Variants in FGF18 observed in about 807,000 individuals in gnomAD.
FGF18 encodes the protein fibroblast growth factor 18.
FGF18 carries 5 observed loss-of-function variants against 23.0 expected under a neutral mutation model. The observed-to-expected ratio is 0.22, with a 90% CI of 0.11 to 0.46. FGF18 has a LOEUF of 0.46. Among genes scored for constraint, FGF18 ranks in the 20% least tolerant of loss-of-function variants. The pLI is 0.99. For missense variants in FGF18, 180 were observed against 291.6 expected, an observed-to-expected ratio of 0.62 and a Z score of 2.79; for synonymous variants, 117 against 118.9, an observed-to-expected ratio of 0.98 and a Z score of 0.10.
intron 3 of FGF18, 82 bp from the exon 4 acceptor site, chr5:171,449,063 CCA>C: frequency 9.9e-7 from 1 of 1,008,668 alleles, no homozygotes; most frequent in South Asian, 1.3e-5. Context: ...AAAGATAGGA[CCA>C]GGGACCATGT....
At chr5:171,445,438 A>G (rs1280197887) in intron 3 of FGF18, among the ~76,000 whole-genome samples, 1 of 152,098 alleles carries the variant, frequency 6.6e-6, no homozygotes, top group South Asian at 2.1e-4. Flanking sequence ...GGCTCACTGC[A>G]AACTCTGCCT....
At chr5:171,445,210 AG>A (rs2113355458) in intron 3 of FGF18, among the ~76,000 whole-genome samples, 2 of 152,150 alleles carry the variant, frequency 1.3e-5, no homozygotes, top group East Asian at 3.9e-4. Context: ...GCTAGAGGGG[AG>A]AGGCAAGGAA....
chr5:171,441,749 C>T (rs2113351108), intron 3 of FGF18, among the ~76,000 whole-genome samples: 1 of 152,324 alleles, frequency 6.6e-6, no homozygotes, highest in Non-Finnish European at 1.5e-5. Context: ...CACGAAGACG[C>T]TCTCAGTATA....
chr5:171,436,136 A>T lies in FGF18; in HGVS notation c.113A>T (p.Glu38Val), dbSNP rs773745940. The T allele has an allele frequency of 1.3e-6, 2 of 1,582,522 alleles. No homozygotes were observed. Among genetic ancestry groups the T allele is most frequent in the Non-Finnish European group, 8.6e-7 (1 of 1,160,324 alleles). ...EENVDFRIHV[E>V]NQTRARDDVS... ...AACGTGGACTTCCGCATCCACGTGG[A>T]GAACCAGACGCGGGCTCGGGACGAT... The change falls in exon 3 of 5, where the codon GAG becomes GTG. Residue 38 changes from glutamate to valine, a missense_variant. Glu to Val is a moderately radical substitution (Grantham distance 121). Coordinates refer to ENST00000274625, the MANE Select transcript of FGF18 (RefSeq NM_003862.3). This position sits in a 1 kb window ranked among gnomAD's most constrained non-coding sequence, Gnocchi z 4.4.
chr5:171,420,174 A>AGCC lies in FGF18; in HGVS notation c.-19_-17dup. The AGCC allele has an allele frequency of 6.5e-7, 1 of 1,535,444 alleles. No homozygotes were observed. The highest frequency in any genetic ancestry group is 8.7e-7 in the Non-Finnish European group (1 of 1,145,944). ...GCGGACATGTGCAGGCTGGGCTAGGAGCCGCCGCCTCCCTCCCGCCCAGCG... is the reference window on the plus strand; with the variant it reads ...GCGGACATGTGCAGGCTGGGCTAGGAGCCGCCGCCGCCTCCCTCCCGCCCAGCG... On this transcript the variant is annotated 5_prime_UTR_variant, in exon 1 of 5. Coordinates refer to ENST00000274625, the MANE Select transcript of FGF18 (RefSeq NM_003862.3).
rs1554139926 is a variant in FGF18 at position 171,440,226 on chromosome 5, G to GGA, written c.250+3954_250+3955insAG. 2.0e-5 allele frequency among the ~76,000 whole-genome samples: 1 copy of GGA among 49,512 alleles called. No individual in the cohort carries two copies. Among genetic ancestry groups the GGA allele is most frequent in the Non-Finnish European group, 4.4e-5 (1 of 22,624 alleles). 32.5% of individuals were successfully genotyped at this position (49,512 alleles called of 152,430 possible). ...CCTGACCTCCTTACTATGGGTGTGTGGGGGGGGGTGGTGCCATCGCGGGCT... is the reference window on the plus strand; with the variant it reads ...CCTGACCTCCTTACTATGGGTGTGTGGAGGGGGGGGTGGTGCCATCGCGGGCT... On this transcript the variant is annotated intron_variant, in intron 3 of 4. Coordinates refer to ENST00000274625, the MANE Select transcript of FGF18 (RefSeq NM_003862.3). The surrounding 1 kb of genome is among the most constrained non-coding windows in gnomAD (Gnocchi z 4.0).
At chr5:171,435,390 G>A (rs1169973025) in intron 2 of FGF18, among the ~76,000 whole-genome samples, 1 of 152,204 alleles carries the variant, frequency 6.6e-6, no homozygotes, top group African/African-American at 2.4e-5. Context: ...GGTATAACCA[G>A]GGAAGGCTTC....
chr5:171,426,383 G>C (rs1404373168), intron 2 of FGF18, among the ~76,000 whole-genome samples: 1 of 152,210 alleles, frequency 6.6e-6, no homozygotes, highest in Non-Finnish European at 1.5e-5. Flanking sequence ...AGCTTTTGCT[G>C]TGTTGGCTCT....
chr5:171,446,433 T>C, intron 3 of FGF18, among the ~76,000 whole-genome samples: 1 of 152,178 alleles, frequency 6.6e-6, no homozygotes, highest in Non-Finnish European at 1.5e-5. Context: ...TCAGTCCCTG[T>C]TACTGGGTGC....
chr5:171,437,406 G>T (rs575204592), intron 3 of FGF18, among the ~76,000 whole-genome samples: 2 of 152,242 alleles, frequency 1.3e-5, no homozygotes, highest in Admixed American at 1.3e-4. Flanking sequence ...GCCAGGCTGG[G>T]CAGGGCTGAG....
intron 3 of FGF18, among the ~76,000 whole-genome samples, chr5:171,443,237 C>T (rs1323371318): frequency 6.6e-6 from 1 of 151,988 alleles, no homozygotes; most frequent in African/African-American, 2.4e-5. Context: ...TCAAGTGATT[C>T]TCCTGCCTCA....
intron 2 of FGF18, among the ~76,000 whole-genome samples, chr5:171,433,771 A>G (rs1044852499): frequency 9.9e-5 from 15 of 152,280 alleles, no homozygotes; most frequent in African/African-American, 3.6e-4. Flanking sequence ...TGAGGGTGAT[A>G]AGCGTTCTCA....
intron 4 of FGF18, among the ~76,000 whole-genome samples, chr5:171,453,068 A>G (rs1361915876): frequency 6.6e-6 from 1 of 152,172 alleles, no homozygotes; most frequent in Non-Finnish European, 1.5e-5. Context: ...CTGGGATGGA[A>G]TATTCACTTA....
At chr5:171,423,721 A>C (rs1463150082) in intron 2 of FGF18, among the ~76,000 whole-genome samples, 1 of 150,966 alleles carries the variant, frequency 6.6e-6, no homozygotes, top group Admixed American at 6.6e-5. Flanking sequence ...GAAGCTGGAG[A>C]CAGTGTCCTT....
chr5:171,434,149 GC>G lies in FGF18; in HGVS notation c.70-1941del, dbSNP rs1772215628. Among the ~76,000 whole-genome samples, 1 of 152,216 alleles carries G rather than the reference GC, an allele frequency of 6.6e-6. No homozygotes were observed. Among genetic ancestry groups the G allele is most frequent in the Non-Finnish European group, 1.5e-5 (1 of 68,038 alleles). On this transcript the variant is annotated intron_variant, in intron 2 of 4. Coordinates refer to ENST00000274625, the MANE Select transcript of FGF18 (RefSeq NM_003862.3). This position sits in a 1 kb window ranked among gnomAD's most constrained non-coding sequence, Gnocchi z 4.6. ...CCCCGCAAGGCAGTGGCCTGGGGCT[GC>G]CCGCAGGGGTGGGGCACAGGAAACA...
At chr5:171,441,997 C>T (rs1218625534) in intron 3 of FGF18, among the ~76,000 whole-genome samples, 4 of 152,124 alleles carry the variant, frequency 2.6e-5, no homozygotes, top group African/African-American at 4.8e-5. Flanking sequence ...CCAGCTTCCC[C>T]CAGCAGGTCT....
At chr5:171,443,604 C>T (rs961669314) in intron 3 of FGF18, among the ~76,000 whole-genome samples, 16 of 149,990 alleles carry the variant, frequency 1.1e-4, no homozygotes, top group Admixed American at 1.0e-3. Flanking sequence ...CCCACCTTGG[C>T]CTCCCAAAGT....
intron 3 of FGF18, among the ~76,000 whole-genome samples, chr5:171,442,438 C>A (rs1028629158): frequency 5.3e-5 from 8 of 152,196 alleles, no homozygotes; most frequent in African/African-American, 1.9e-4. Flanking sequence ...TGGTTCTTCA[C>A]TGGGGGAAGA....
intron 2 of FGF18, among the ~76,000 whole-genome samples, chr5:171,421,341 C>T (rs1361834559): frequency 1.3e-5 from 2 of 151,946 alleles, no homozygotes; most frequent in Non-Finnish European, 2.9e-5. Context: ...GGTCGGGGGG[C>T]GGCGGGCAAA....
Sources: gnomAD v4.1 joint callset for allele counts (sites outside exome capture counted in the v4.1 genomes callset) on GRCh38, gnomAD v4.1.1 for gene constraint, Gnocchi (gnomAD v3.1) non-coding constraint, MANE v1.5 for transcripts, NCBI Gene and HGNC (gene_info 2026-07-23, HGNC 2026-07-21) for gene names.